The following KCNB2 variants were observed in gnomAD, a reference collection of about 807,000 sequenced individuals.
KCNB2 encodes the protein potassium voltage-gated channel subfamily B member 2.
A neutral mutation model predicts 61.5 loss-of-function variants in KCNB2; 15 were observed. That is an observed-to-expected ratio of 0.24 (90% CI 0.16 to 0.38). The LOEUF (loss-of-function observed/expected upper bound fraction) is 0.38, where lower values mean the gene tolerates loss of function less well. Among genes scored for constraint, KCNB2 ranks in the 10% least tolerant of loss-of-function variants. The pLI, the probability that KCNB2 is intolerant of heterozygous loss-of-function variation, is 1.00. For synonymous variants in KCNB2, 457 were observed against 446.0 expected (o/e 1.02, Z -0.31); for missense variants, 828 against 1,125.2 (o/e 0.74, Z 3.78).
intron 2 of KCNB2, among the ~76,000 whole-genome samples, chr8:72,584,475 G>GA (rs1806965149): frequency 6.6e-6 from 1 of 151,616 alleles, no homozygotes; most frequent in South Asian, 2.1e-4. Context: ...ATGGAACAGA[G>GA]AAAAAAACTA....
intron 2 of KCNB2, among the ~76,000 whole-genome samples, chr8:72,788,085 A>G (rs1808872274): frequency 6.6e-6 from 1 of 152,214 alleles, no homozygotes; most frequent in African/African-American, 2.4e-5. Flanking sequence ...AAGATCATTC[A>G]TATTAAGGAC....
At chr8:72,824,157 C>A (rs1382067627) in intron 2 of KCNB2, among the ~76,000 whole-genome samples, 1 of 152,136 alleles carries the variant, frequency 6.6e-6, no homozygotes, top group Non-Finnish European at 1.5e-5. Context: ...AAACTTGGAA[C>A]TTGACCAAAT....
intron 2 of KCNB2, among the ~76,000 whole-genome samples, chr8:72,599,950 C>T (rs1464914189): frequency 6.6e-6 from 1 of 152,154 alleles, no homozygotes; most frequent in Non-Finnish European, 1.5e-5. Flanking sequence ...ACAACAGATG[C>T]TGGAGAGGAT....
Position 72,920,473 on chromosome 8 carries a change from C to CTATATATA in KCNB2, c.580-15454_580-15447dup, listed in dbSNP as rs1554544463. ...TCTATCTATCTATCTATCTATCTAT[C>CTATATATA]TATATATATATATATTAGCTGGCCA... is the stretch of plus-strand genomic sequence containing the variant. On this transcript the variant is annotated intron_variant, in intron 2 of 2. Coordinates refer to ENST00000523207, the MANE Select transcript of KCNB2 (RefSeq NM_004770.3). Among the ~76,000 whole-genome samples, 43 of 78,800 alleles carry CTATATATA rather than the reference C, an allele frequency of 5.5e-4. 4 individuals are homozygous for CTATATATA. Among genetic ancestry groups the CTATATATA allele is most frequent in the African/African-American group, 1.8e-3 (40 of 22,182 alleles). 51.7% of individuals were successfully genotyped at this position (78,800 alleles called of 152,430 possible).
At chr8:72,651,947 AAATGATACTACCTAGT>A (rs932865278) in intron 2 of KCNB2, among the ~76,000 whole-genome samples, 1 of 152,134 alleles carries the variant, frequency 6.6e-6, no homozygotes, top group Non-Finnish European at 1.5e-5. Flanking sequence ...CCATCTTGGT[AAATGATACTACCTAGT>A]GGTTTGAGTC....
At chr8:72,848,068 T>C (rs1810029261) in intron 2 of KCNB2, among the ~76,000 whole-genome samples, 1 of 152,210 alleles carries the variant, frequency 6.6e-6, no homozygotes, top group African/African-American at 2.4e-5. Context: ...CTTCCTGCAT[T>C]GCATTGTTTC....
intron 2 of KCNB2, among the ~76,000 whole-genome samples, chr8:72,932,165 GA>G (rs2129009111): frequency 6.6e-6 from 1 of 152,302 alleles, no homozygotes; most frequent in African/African-American, 2.4e-5. Flanking sequence ...GAGGAACTGG[GA>G]AAGGAGAGAG....
intron 2 of KCNB2, among the ~76,000 whole-genome samples, chr8:72,657,486 G>A (rs549820435): frequency 3.9e-5 from 6 of 152,140 alleles, no homozygotes; most frequent in South Asian, 2.1e-4. Context: ...CTACATTCAC[G>A]TTATGGAGAA....
At chr8:72,767,246 T>G (rs1808474776) in intron 2 of KCNB2, among the ~76,000 whole-genome samples, 1 of 152,210 alleles carries the variant, frequency 6.6e-6, no homozygotes, top group Non-Finnish European at 1.5e-5. Flanking sequence ...TTCTTTCTTT[T>G]TTTAATATCT....
Position 72,936,868 on chromosome 8 carries a change from A to G in KCNB2, c.1513A>G (p.Asn505Asp). The G allele has an allele frequency of 6.8e-6, 11 of 1,614,132 alleles. No individual in the cohort carries two copies. The highest frequency in any genetic ancestry group is 1.3e-5 in the African/African-American group (1 of 75,040). Residue 505 changes from asparagine to aspartate, a missense_variant, in exon 3 of 3, where the codon AAC (asparagine) becomes GAC (aspartate). Asn to Asp is a conservative substitution (Grantham distance 23, BLOSUM62 1). Coordinates refer to ENST00000523207, the MANE Select transcript of KCNB2 (RefSeq NM_004770.3). This position sits in a 1 kb window ranked among gnomAD's most constrained non-coding sequence, Gnocchi z 5.6. ...ARKALSETSS[N>D]KSFENKYQEV... ...GAAGGCTCTGTCGGAAACAAGCTCCAACAAGTCTTTCGAGAATAAGTACCA... is the reference window on the plus strand; with the variant it reads ...GAAGGCTCTGTCGGAAACAAGCTCCGACAAGTCTTTCGAGAATAAGTACCA...
intron 2 of KCNB2, among the ~76,000 whole-genome samples, chr8:72,871,258 A>C (rs1305166376): frequency 6.6e-6 from 1 of 152,230 alleles, no homozygotes; most frequent in African/African-American, 2.4e-5. Context: ...AATTTTGTAG[A>C]GAAGGGAAGT....
intron 2 of KCNB2, among the ~76,000 whole-genome samples, chr8:72,756,340 G>C (rs1430246063): frequency 6.6e-6 from 1 of 152,126 alleles, no homozygotes; most frequent in Non-Finnish European, 1.5e-5. Flanking sequence ...CCTCCACTCT[G>C]AGTCTTACCT....
intron 2 of KCNB2, among the ~76,000 whole-genome samples, chr8:72,770,890 G>A (rs887661526): frequency 3.3e-5 from 5 of 152,230 alleles, no homozygotes; most frequent in Non-Finnish European, 5.9e-5. Context: ...ACACAGCTAT[G>A]CACATTCACC....
At chr8:72,725,553 A>ATATGTATATATGTATATATATG (rs1807624776) in intron 2 of KCNB2, among the ~76,000 whole-genome samples, 1 of 62,290 alleles carries the variant, frequency 1.6e-5, no homozygotes, top group Admixed American at 1.8e-4. Flanking sequence ...GTGTATATAT[A>ATATGTATATATGTATATATATG]TATGTATATA....
At chr8:72,929,616 T>C (rs190733096) in intron 2 of KCNB2, among the ~76,000 whole-genome samples, 80 of 152,288 alleles carry the variant, frequency 5.3e-4, no homozygotes, top group Non-Finnish European at 1.0e-3. Context: ...TGGGTTTGGT[T>C]GACAGACATG....
intron 2 of KCNB2, among the ~76,000 whole-genome samples, chr8:72,790,396 G>A (rs1808918575): frequency 6.6e-6 from 1 of 152,150 alleles, no homozygotes. Flanking sequence ...ATTCAACAGG[G>A]TAACAGGACT....
chr8:72,893,976 C>A (rs58258352), intron 2 of KCNB2, among the ~76,000 whole-genome samples: 3 of 152,168 alleles, frequency 2.0e-5, no homozygotes, highest in Non-Finnish European at 4.4e-5. Context: ...AAGCACTGTT[C>A]TGGGCACAGA....
chr8:72,809,827 C>A (rs946880385), intron 2 of KCNB2, among the ~76,000 whole-genome samples: 7 of 152,210 alleles, frequency 4.6e-5, no homozygotes, highest in African/African-American at 1.7e-4. Flanking sequence ...GAAATAATTG[C>A]TTAATGCCTT....
chr8:72,711,294 C>T (rs886741446), intron 2 of KCNB2, among the ~76,000 whole-genome samples: 68 of 152,342 alleles, frequency 4.5e-4, no homozygotes, highest in African/African-American at 1.5e-3. Context: ...CTGCCATGTG[C>T]CCAGGTGGCA....
Sources: allele counts gnomAD v4.1 joint callset (sites outside exome capture counted in the v4.1 genomes callset), GRCh38; gene constraint gnomAD v4.1.1; non-coding constraint Gnocchi (gnomAD v3.1); transcripts MANE v1.5; gene names NCBI Gene and HGNC (gene_info 2026-07-23, HGNC 2026-07-21).